Variants in YY1 observed in about 807,000 individuals in gnomAD.
The protein encoded by YY1 is YY1 transcription factor.
In YY1, 2 loss-of-function variants were observed where a neutral mutation model predicts 35.6. The observed-to-expected ratio is 0.06, with a 90% confidence interval of 0.02 to 0.18. The LOEUF (loss-of-function observed/expected upper bound fraction) is 0.18, where lower values mean the gene tolerates loss of function less well. Among genes scored for constraint, YY1 ranks in the 10% least tolerant of loss-of-function variants. The pLI is 1.00. For synonymous variants in YY1, 268 were observed against 238.9 expected (o/e 1.12, Z -1.12); for missense variants, 322 against 573.4 (o/e 0.56, Z 4.48).
intron 2 of YY1, among the ~76,000 whole-genome samples, chr14:100,269,903 G>C (rs12883667): frequency 0.26 from 39,140 of 151,880 alleles, 5,132 homozygotes; most frequent in Middle Eastern, 0.36. Context: ...TTGGGTAAAT[G>C]GTACCTGAGA....
chr14:100,247,944 A>ATTTC (rs966644409), intron 1 of YY1, among the ~76,000 whole-genome samples: 69 of 151,710 alleles, frequency 4.5e-4, no homozygotes, highest in African/African-American at 1.3e-3. Flanking sequence ...AATATACTCA[A>ATTTC]TTTCTTTCTT....
chr14:100,270,996 C>T (rs986551296), intron 2 of YY1, among the ~76,000 whole-genome samples: 12 of 151,042 alleles, frequency 7.9e-5, no homozygotes, highest in East Asian at 7.8e-4. Flanking sequence ...CTGTAATCCC[C>T]GCACTTTGGG....
rs1015651882 is a variant in YY1, at chr14:100,278,770, G to T, written c.*1170G>T. The T allele has an allele frequency of 2.0e-5, 3 of 152,308 alleles. No individual in the cohort carries two copies. Among genetic ancestry groups the T allele is most frequent in the Non-Finnish European group, 4.4e-5 (3 of 68,084 alleles). The allele number at this position is 152,308 out of a possible 1,614,324, so 9.4% of individuals were successfully genotyped here. On this transcript the variant is annotated 3_prime_UTR_variant, in exon 5 of 5. Coordinates refer to ENST00000262238, the MANE Select transcript of YY1 (RefSeq NM_003403.5). Reference sequence around the variant, plus strand: ...ATTTTAGCCCCCGGCAAGTGTGAGTGAAGCATCTGTACCACCGCGCAGGCT... The same window carrying T: ...ATTTTAGCCCCCGGCAAGTGTGAGTTAAGCATCTGTACCACCGCGCAGGCT...
At chr14:100,244,576 TC>T (rs1296957953) in intron 1 of YY1, among the ~76,000 whole-genome samples, 1 of 128,682 alleles carries the variant, frequency 7.8e-6, no homozygotes, top group African/African-American at 2.9e-5. Flanking sequence ...CCCGCCCCAC[TC>T]CCCACCCCTT....
intron 1 of YY1, among the ~76,000 whole-genome samples, 187 bp downstream of exon 1, chr14:100,240,110 A>G (rs1467175708): frequency 1.4e-5 from 2 of 144,492 alleles, no homozygotes; most frequent in East Asian, 2.1e-4. Flanking sequence ...AGATGGCGGC[A>G]GGCCGCGGGG....
At position 100,277,064 on chromosome 14, in the gene YY1, G is replaced by A; in HGVS notation, c.1063-354G>A. On this transcript the variant is annotated intron_variant, in intron 4 of 4. Transcript: ENST00000262238. This position sits in a 1 kb window ranked among gnomAD's most constrained non-coding sequence, Gnocchi z 5.6. The stretch of plus-strand genomic sequence containing the variant: ...CCATAAATAAGTGAAAGAACTAGCA[G>A]TGCAGCTAGTAAATCTAACGTGGTT... The A allele has an allele frequency of 2.3e-6, 1 of 433,780 alleles. No homozygotes were observed. Among genetic ancestry groups the A allele is most frequent in the Non-Finnish European group, 4.2e-6 (1 of 236,580 alleles). The allele number at this position is 433,780 out of a possible 1,614,324, so 26.9% of individuals were successfully genotyped here.
chr14:100,253,309 C>T (rs1054779682), intron 1 of YY1, among the ~76,000 whole-genome samples: 2 of 152,190 alleles, frequency 1.3e-5, no homozygotes, highest in Admixed American at 1.3e-4. Flanking sequence ...ATTTGACATT[C>T]AAAGTGGATC....
intron 2 of YY1, among the ~76,000 whole-genome samples, chr14:100,262,955 T>A (rs546799186): frequency 8.5e-5 from 13 of 152,378 alleles, no homozygotes; most frequent in Admixed American, 3.3e-4. Flanking sequence ...TTGCCCAGGC[T>A]GGAGTGCAGT....
chr14:100,261,948 A>G (rs1174210473), intron 1 of YY1, among the ~76,000 whole-genome samples: 1 of 152,176 alleles, frequency 6.6e-6, no homozygotes, highest in Non-Finnish European at 1.5e-5. Context: ...CATGTGTTCC[A>G]GACCAGCCTG....
intron 2 of YY1, among the ~76,000 whole-genome samples, chr14:100,266,668 A>T (rs769398112): frequency 2.0e-5 from 3 of 152,178 alleles, no homozygotes; most frequent in Non-Finnish European, 4.4e-5. Flanking sequence ...AGGGCTGAAG[A>T]ACCCAAAAGT....
At position 100,277,522 on chromosome 14, in the gene YY1, T is replaced by C. The variant is rs146635933; in HGVS notation, c.1167T>C (p.Gly389=). Residue 389 remains glycine (G), a synonymous_variant, in exon 5 of 5, where the codon GGT becomes GGC. Transcript: ENST00000262238. This position sits in a 1 kb window ranked among gnomAD's most constrained non-coding sequence, Gnocchi z 5.6. The stretch of plus-strand genomic sequence containing the variant: ...GGCCCTATGTGTGCCCCTTCGATGG[T>C]TGTAATAAGAAGTTTGCTCAGTCAA... The part of the protein sequence containing the change: ...GDRPYVCPFD[G]CNKKFAQSTN... 3.1e-6 allele frequency: 5 copies of C among 1,614,184 alleles called. No individual in the cohort carries two copies. The highest frequency in any genetic ancestry group is 3.4e-6 in the Non-Finnish European group (4 of 1,180,030).
At chr14:100,251,125 G>C (rs1890918556) in intron 1 of YY1, among the ~76,000 whole-genome samples, 1 of 152,172 alleles carries the variant, frequency 6.6e-6, no homozygotes, top group African/African-American at 2.4e-5. Context: ...GGAACCTGTG[G>C]GTGTTAACCT....
rs35165026 is a variant in YY1, at chr14:100,254,940, A to ATTTTTTTTTTTTT, written c.680-7347_680-7335dup. Among the ~76,000 whole-genome samples, 14 of 29,586 alleles carry ATTTTTTTTTTTTT rather than the reference A, an allele frequency of 4.7e-4. 1 individual carries two copies. The highest frequency in any genetic ancestry group is 3.4e-3 in the East Asian group (2 of 584). 19.4% of individuals were successfully genotyped at this position (29,586 alleles called of 152,430 possible). Reference sequence around the variant, plus strand: ...AAGCGCCCGCCACCACGCCCAGCTAATTTTTTTTTTTTTTTTTTTTTTTTT... The same window carrying ATTTTTTTTTTTTT: ...AAGCGCCCGCCACCACGCCCAGCTAATTTTTTTTTTTTTTTTTTTTTTTTTTTTTTTTTTTTTT... On this transcript the variant is annotated intron_variant, in intron 1 of 4. Coordinates refer to ENST00000262238, the MANE Select transcript of YY1 (RefSeq NM_003403.5).
intron 1 of YY1, among the ~76,000 whole-genome samples, chr14:100,250,808 C>T (rs2139576026): frequency 7.1e-6 from 1 of 140,620 alleles, no homozygotes; most frequent in South Asian, 2.3e-4. Context: ...CCAACCTGGG[C>T]AACATAGTGA....
At chr14:100,266,465 C>G (rs980593669) in intron 2 of YY1, among the ~76,000 whole-genome samples, 2 of 152,076 alleles carry the variant, frequency 1.3e-5, no homozygotes, top group Non-Finnish European at 2.9e-5. Context: ...GTTGGTGACC[C>G]TTGGCACTGC....
intron 2 of YY1, among the ~76,000 whole-genome samples, chr14:100,272,695 T>A (rs939089169): frequency 6.6e-6 from 1 of 151,940 alleles, no homozygotes; most frequent in East Asian, 1.9e-4. Context: ...GGTGTATAAG[T>A]GGTTTTTGGT....
chr14:100,242,513 C>A (rs945644082), intron 1 of YY1, among the ~76,000 whole-genome samples: 9 of 150,782 alleles, frequency 6.0e-5, no homozygotes, highest in Non-Finnish European at 1.3e-4. Context: ...CTCACCCTCC[C>A]GAGTAGCTGG....
intron 1 of YY1, 130 bp from the exon 2 acceptor site, chr14:100,262,174 A>AT: frequency 1.6e-5 from 14 of 895,012 alleles, no homozygotes; most frequent in Non-Finnish European, 2.0e-5. Flanking sequence ...AAAAAAAAAA[A>AT]GGGAGAGGGG....
intron 1 of YY1, among the ~76,000 whole-genome samples, chr14:100,258,248 G>T (rs1305361428): frequency 6.6e-6 from 1 of 152,226 alleles, no homozygotes; most frequent in Non-Finnish European, 1.5e-5. Flanking sequence ...AGGCTAGAGG[G>T]ATGGGCACGT....
Sources: allele counts gnomAD v4.1 joint callset (sites outside exome capture counted in the v4.1 genomes callset), GRCh38; gene constraint gnomAD v4.1.1; non-coding constraint Gnocchi (gnomAD v3.1); transcripts MANE v1.5; gene names NCBI Gene and HGNC (gene_info 2026-07-23, HGNC 2026-07-21).